The following EYS variants were observed in gnomAD, a reference collection of about 807,000 sequenced individuals.
EYS encodes the protein EGF-like photoreceptor maintenance factor.
Under a neutral mutation model 282.1 loss-of-function variants are expected in EYS, and 250 were observed. The observed-to-expected ratio is 0.89, with a 90% confidence interval of 0.80 to 0.98. The LOEUF is 0.98. Among genes scored for constraint, EYS ranks in the 50% least tolerant of loss-of-function variants. The pLI is 0.00. For missense variants in EYS, 4,016 were observed against 3,709.0 expected (o/e 1.08, Z -2.15); for synonymous variants, 1,355 against 1,282.9 (o/e 1.06, Z -1.20).
rs1156723104 is a variant in EYS at position 64,537,154 on chromosome 6, C to A, written c.5644+53069G>T. 8.9e-5 allele frequency among the ~76,000 whole-genome samples: 10 copies of A among 112,880 alleles called. No individual in the cohort carries two copies. In the East Asian group the frequency reaches 2.8e-3, roughly 32 times the overall value. The allele number at this position is 112,880 out of a possible 152,430, so 74.1% of individuals were successfully genotyped here. On this transcript the variant is annotated intron_variant, in intron 26 of 42. Transcript: ENST00000503581. ...GTATAACTCCCAATGCTATCCCTCC[C>A]CCCTCCCCCCACCCCACAACAGTCC...
chr6:65,345,470 T>A lies in EYS; in HGVS notation c.1460-1293A>T, dbSNP rs1005859327. ...ATTAGAATGAATACTTTATTGAAAATTTGGAGAACTTTAATAGAAGGCCAT... is the reference window on the plus strand; with the variant it reads ...ATTAGAATGAATACTTTATTGAAAAATTGGAGAACTTTAATAGAAGGCCAT... On this transcript the variant is annotated intron_variant, in intron 9 of 42. Transcript: ENST00000503581. 2.0e-5 allele frequency among the ~76,000 whole-genome samples: 3 copies of A among 151,870 alleles called. 1 individual carries two copies. The highest frequency in any genetic ancestry group is 2.9e-5 in the Non-Finnish European group (2 of 67,838).
intron 2 of EYS, among the ~76,000 whole-genome samples, chr6:65,630,995 G>C (rs1766890826): frequency 6.6e-6 from 1 of 152,022 alleles, no homozygotes; most frequent in Non-Finnish European, 1.5e-5. Context: ...GTAATATATT[G>C]GTTGTAAATA....
At chr6:65,383,309 G>T (rs13204628) in intron 8 of EYS, among the ~76,000 whole-genome samples, 73,243 of 151,484 alleles carry the variant, frequency 0.48, 17,996 homozygotes, top group South Asian at 0.54. Context: ...AGTGTTTTGA[G>T]ACAATTATAA....
At chr6:63,859,433 C>T (rs912264590) in intron 36 of EYS, among the ~76,000 whole-genome samples, 1 of 151,998 alleles carries the variant, frequency 6.6e-6, no homozygotes, top group Non-Finnish European at 1.5e-5. Context: ...GGTAGTTACA[C>T]TGCTTTCCTC....
In EYS at chr6:65,506,203, C is replaced by G. The variant is rs147602529; in HGVS notation, c.-332-10210G>C. Among the ~76,000 whole-genome samples, 329 of 152,182 alleles carry G rather than the reference C, an allele frequency of 2.2e-3. 3 individuals are homozygous for G. The highest frequency in any genetic ancestry group is 2.9e-3 in the Non-Finnish European group (195 of 68,006). ...TATATCTTTTCTCGTCTCTTTTAAC[C>G]TACCTGAGTCTTTATATTTAAAGCG... On this transcript the variant is annotated intron_variant, in intron 2 of 42. Transcript: ENST00000503581.
At chr6:64,775,713 C>G (rs1019461468) in intron 22 of EYS, among the ~76,000 whole-genome samples, 1 of 151,962 alleles carries the variant, frequency 6.6e-6, no homozygotes, top group Non-Finnish European at 1.5e-5. Flanking sequence ...TATTTACAAT[C>G]TATTATAAAA....
chr6:64,813,060 C>A (rs558480496), intron 22 of EYS, among the ~76,000 whole-genome samples: 3 of 151,658 alleles, frequency 2.0e-5, no homozygotes, highest in South Asian at 2.1e-4. Flanking sequence ...ATTAGCAAAT[C>A]ATTCATTTGG....
At chr6:64,518,300 G>A (rs1267083288) in intron 26 of EYS, among the ~76,000 whole-genome samples, 2 of 151,648 alleles carry the variant, frequency 1.3e-5, no homozygotes. Context: ...CTTCAGACTA[G>A]TTCAGACTCC....
intron 29 of EYS, among the ~76,000 whole-genome samples, chr6:64,322,648 T>G (rs1370658967): frequency 6.6e-6 from 1 of 152,016 alleles, no homozygotes; most frequent in Non-Finnish European, 1.5e-5. Flanking sequence ...GGTGAAGTAT[T>G]GAAACTCAGG....
At chr6:64,672,348 C>CTGAG (rs1769492778) in intron 22 of EYS, among the ~76,000 whole-genome samples, 1 of 152,118 alleles carries the variant, frequency 6.6e-6, no homozygotes, top group Admixed American at 6.6e-5. Context: ...TACGTACAAT[C>CTGAG]TGAGTTCTCT....
chr6:64,967,869 T>A (rs1186344848), intron 14 of EYS, among the ~76,000 whole-genome samples: 2 of 152,198 alleles, frequency 1.3e-5, no homozygotes, highest in Admixed American at 6.5e-5. Context: ...TTGTATAATA[T>A]TTGTTGTATG....
At chr6:64,124,030 G>C (rs1773680304) in intron 31 of EYS, among the ~76,000 whole-genome samples, 3 of 152,084 alleles carry the variant, frequency 2.0e-5, no homozygotes, top group Admixed American at 1.3e-4. Context: ...GATTTTGCTG[G>C]CTTAAAGAAA....
Position 64,088,010 on chromosome 6 carries a change from C to T in EYS, c.6425-6008G>A, listed in dbSNP as rs575548128. Among the ~76,000 whole-genome samples, 236 of 152,152 alleles carry T rather than the reference C, an allele frequency of 1.6e-3. 1 individual carries two copies. Among genetic ancestry groups the T allele is most frequent in the Middle Eastern group, 3.4e-3 (1 of 294 alleles). ...CTTTCTGGCTCACACACTCTTTGAACCTGTTTTCAGTGCTGACAGGTTTTA... is the reference window on the plus strand; with the variant it reads ...CTTTCTGGCTCACACACTCTTTGAATCTGTTTTCAGTGCTGACAGGTTTTA... On this transcript the variant is annotated intron_variant, in intron 31 of 42. Coordinates refer to ENST00000503581, the MANE Select transcript of EYS (RefSeq NM_001142800.2).
chr6:64,747,807 G>T (rs993347207), intron 22 of EYS, among the ~76,000 whole-genome samples: 1 of 152,116 alleles, frequency 6.6e-6, no homozygotes, highest in African/African-American at 2.4e-5. Flanking sequence ...TGTGCTTTAG[G>T]GTTTGTGCAC....
intron 15 of EYS, among the ~76,000 whole-genome samples, chr6:64,928,380 C>T (rs1768586496): frequency 6.6e-6 from 1 of 151,890 alleles, no homozygotes; most frequent in Non-Finnish European, 1.5e-5. Context: ...ACCTTTCTTC[C>T]ACAGTTCAAT....
intron 35 of EYS, among the ~76,000 whole-genome samples, chr6:63,880,048 C>T (rs752019950): frequency 1.3e-5 from 2 of 152,100 alleles, no homozygotes; most frequent in Non-Finnish European, 2.9e-5. Flanking sequence ...TCTACTGGGG[C>T]TCAAATTTAC....
intron 29 of EYS, among the ~76,000 whole-genome samples, chr6:64,375,463 T>C (rs764037980): frequency 2.0e-5 from 3 of 151,704 alleles, no homozygotes; most frequent in Non-Finnish European, 4.4e-5. Flanking sequence ...GTAATAACTA[T>C]TTATGCCTCT....
intron 28 of EYS, among the ~76,000 whole-genome samples, chr6:64,431,568 G>C (rs1181367507): frequency 6.6e-6 from 1 of 152,094 alleles, no homozygotes; most frequent in Non-Finnish European, 1.5e-5. Context: ...AGTCTATTGG[G>C]TACTGTAGGT....
intron 22 of EYS, among the ~76,000 whole-genome samples, chr6:64,651,242 G>T (rs890953316): frequency 6.6e-6 from 1 of 152,092 alleles, no homozygotes; most frequent in Non-Finnish European, 1.5e-5. Flanking sequence ...CTGGAAAAAA[G>T]ACTAAATAGT....
Sources: gnomAD v4.1 joint callset for allele counts (sites outside exome capture counted in the v4.1 genomes callset) on GRCh38, gnomAD v4.1.1 for gene constraint, MANE v1.5 for transcripts, NCBI Gene and HGNC (gene_info 2026-07-23, HGNC 2026-07-21) for gene names.